ULK4: variants seen among roughly 807,000 people sequenced by gnomAD.
ULK4 encodes the protein unc-51 like kinase 4.
Under a neutral mutation model 160.6 loss-of-function variants are expected in ULK4, and 133 were observed. The observed-to-expected ratio is 0.83, with a 90% confidence interval of 0.72 to 0.96. ULK4 has a LOEUF of 0.96. Ranked by LOEUF, ULK4 falls within the 40% of genes least tolerant of loss-of-function variation. The pLI, the probability that ULK4 is intolerant of heterozygous loss-of-function variation, is 0.00. For synonymous variants in ULK4, 534 were observed against 539.8 expected (o/e 0.99, Z 0.15); for missense variants, 1,580 against 1,499.5 (o/e 1.05, Z -0.89).
rs138007188 is a variant in ULK4, at chr3:41,811,396, G to A, written c.1848+8027C>T. ...CATTCAAGGATCACTTGAACCCAGC[G>A]ATCCTCCTGCCTTAGCTTCTGAAAT... On this transcript the variant is annotated intron_variant, in intron 19 of 36. Transcript: ENST00000301831. Among the ~76,000 whole-genome samples the A allele has an allele frequency of 2.6e-4, 40 of 152,198 alleles. No individual in the cohort carries two copies. In the East Asian group the frequency reaches 6.8e-3, roughly 26 times the overall value.
intron 27 of ULK4, among the ~76,000 whole-genome samples, chr3:41,696,096 G>T (rs146120883): frequency 2.5e-3 from 387 of 152,224 alleles, no homozygotes; most frequent in African/African-American, 8.9e-3. Context: ...TTAGCGGAAC[G>T]GGAAAGGCAA....
At chr3:41,918,615 T>TG in intron 6 of ULK4, 75 bp from the exon 7 acceptor site, 1 of 895,578 alleles carries the variant, frequency 1.1e-6, no homozygotes, top group Non-Finnish European at 1.6e-6. Flanking sequence ...TTTTTTTTTT[T>TG]TTTTGAGATG....
intron 32 of ULK4, among the ~76,000 whole-genome samples, chr3:41,498,145 T>C (rs1016159396): frequency 2.0e-5 from 3 of 152,160 alleles, no homozygotes; most frequent in Non-Finnish European, 2.9e-5. Flanking sequence ...AAAAACTAAA[T>C]GCCAGGCCAA....
At chr3:41,849,734 T>A (rs1470469343) in intron 17 of ULK4, among the ~76,000 whole-genome samples, 1 of 152,196 alleles carries the variant, frequency 6.6e-6, no homozygotes. Context: ...AGGCTGTACA[T>A]GTGTGAGGGC....
At chr3:41,467,663 T>C (rs1234433158) in intron 32 of ULK4, among the ~76,000 whole-genome samples, 1 of 151,960 alleles carries the variant, frequency 6.6e-6, no homozygotes, top group South Asian at 2.1e-4. Flanking sequence ...TACAAGAACA[T>C]AGATGAATCT....
intron 12 of ULK4, among the ~76,000 whole-genome samples, chr3:41,902,731 C>CAA (rs947945117): frequency 2.0e-5 from 3 of 150,956 alleles, no homozygotes; most frequent in Non-Finnish European, 4.4e-5. Flanking sequence ...CTCACATTGC[C>CAA]AAAAAAAAGA....
chr3:41,517,825 A>C (rs2085800803), intron 32 of ULK4, among the ~76,000 whole-genome samples: 1 of 152,156 alleles, frequency 6.6e-6, no homozygotes, highest in Non-Finnish European at 1.5e-5. Flanking sequence ...AGTTTTTGTC[A>C]TGTGTACAGA....
intron 12 of ULK4, among the ~76,000 whole-genome samples, chr3:41,901,941 T>G (rs922877620): frequency 1.3e-5 from 2 of 152,080 alleles, no homozygotes; most frequent in African/African-American, 4.8e-5. Context: ...CTAGTTAGAG[T>G]TGATACATAA....
At chr3:41,540,804 CAT>C (rs1204134736) in intron 32 of ULK4, among the ~76,000 whole-genome samples, 16 of 152,106 alleles carry the variant, frequency 1.1e-4, no homozygotes, top group South Asian at 4.1e-4. Context: ...AAGCTTTTTT[CAT>C]ATGTTTGTTG....
chr3:41,707,325 C>G (rs935002433), intron 25 of ULK4, among the ~76,000 whole-genome samples: 2 of 151,958 alleles, frequency 1.3e-5, no homozygotes, highest in African/African-American at 4.8e-5. Flanking sequence ...TTTTTTAGAT[C>G]GGACCCAAAC....
chr3:41,610,924 G>A (rs34212706), intron 31 of ULK4, among the ~76,000 whole-genome samples: 30,224 of 152,034 alleles, frequency 0.2, 3,173 homozygotes, highest in African/African-American at 0.25. Context: ...CATAAACCAC[G>A]GAAATAAAAT....
intron 34 of ULK4, among the ~76,000 whole-genome samples, chr3:41,426,699 A>G (rs533896896): frequency 6.6e-5 from 10 of 152,330 alleles, no homozygotes; most frequent in South Asian, 4.1e-4. Context: ...ACAGAAATCA[A>G]TAAGTTCTTT....
At chr3:41,787,823 CAT>C (rs1459495600) in intron 21 of ULK4, among the ~76,000 whole-genome samples, 3 of 152,076 alleles carry the variant, frequency 2.0e-5, no homozygotes, top group African/African-American at 7.2e-5. Context: ...TTCCTTAAGA[CAT>C]GTGGAATAGT....
intron 16 of ULK4, among the ~76,000 whole-genome samples, chr3:41,884,656 A>G (rs17283677): frequency 0.12 from 18,916 of 152,262 alleles, 1,360 homozygotes; most frequent in Middle Eastern, 0.27. Flanking sequence ...GATAATCAGT[A>G]TGTACCTTAG....
At chr3:41,262,027 G>C (rs1467736476) in intron 35 of ULK4, among the ~76,000 whole-genome samples, 1 of 152,206 alleles carries the variant, frequency 6.6e-6, no homozygotes, top group Admixed American at 6.5e-5. Flanking sequence ...GTGATTAGTA[G>C]TGGAGTTGGG....
rs1553664758 is a variant in ULK4 at position 41,431,547 on chromosome 3, C to CTTTTTTTTTTTTTTTTTTTTTTTTT, written c.3492+23949_3492+23950insAAAAAAAAAAAAAAAAAAAAAAAAA. Among the ~76,000 whole-genome samples, 220 of 95,810 alleles carry CTTTTTTTTTTTTTTTTTTTTTTTTT rather than the reference C, an allele frequency of 2.3e-3. 22 individuals are homozygous for CTTTTTTTTTTTTTTTTTTTTTTTTT. Among genetic ancestry groups the CTTTTTTTTTTTTTTTTTTTTTTTTT allele is most frequent in the East Asian group, 8.0e-3 (18 of 2,250 alleles). 62.9% of individuals were successfully genotyped at this position (95,810 alleles called of 152,430 possible). ...CCTGTGAGGTGTTGTAATTCCCTCC[C>CTTTTTTTTTTTTTTTTTTTTTTTTT]TTTTTTTTTTTTTTTGATGTGGAAA... On this transcript the variant is annotated intron_variant, in intron 34 of 36. Coordinates refer to ENST00000301831, the MANE Select transcript of ULK4 (RefSeq NM_017886.4).
In ULK4 at chr3:41,919,746, A is replaced by G. The variant is rs754121302; in HGVS notation, c.614T>C (p.Leu205Ser). 1.9e-6 allele frequency: 3 copies of G among 1,614,174 alleles called. No individual in the cohort carries two copies. The highest frequency in any genetic ancestry group is 2.5e-6 in the Non-Finnish European group (3 of 1,180,010). Reference protein sequence around the residue: ...DFSISSDLWSLGCLLYEMFSG... With the variant: ...DFSISSDLWSSGCLLYEMFSG... ...AAACATTTCATAAAGCAGACAGCCC[A>G]AAGACCAGAGGTCACTGGAGATGGA... is the stretch of plus-strand genomic sequence containing the variant. The change falls in exon 6 of 37, where the codon TTG becomes TCG. Residue 205 changes from leucine to serine, a missense_variant. Transcript: ENST00000301831.
intron 11 of ULK4, among the ~76,000 whole-genome samples, chr3:41,908,663 C>A (rs1454888636): frequency 6.6e-6 from 1 of 151,996 alleles, no homozygotes; most frequent in Non-Finnish European, 1.5e-5. Flanking sequence ...CCAGGCTGGT[C>A]TGGAACTCCC....
chr3:41,347,131 A>G (rs1378609110), intron 35 of ULK4, among the ~76,000 whole-genome samples: 1 of 152,208 alleles, frequency 6.6e-6, no homozygotes, highest in African/African-American at 2.4e-5. Context: ...TGAATAAAGC[A>G]GGCACTAAAT....
Sources: allele counts gnomAD v4.1 joint callset (sites outside exome capture counted in the v4.1 genomes callset), GRCh38; gene constraint gnomAD v4.1.1; transcripts MANE v1.5; gene names NCBI Gene and HGNC (gene_info 2026-07-23, HGNC 2026-07-21).